RBFOX3: variants seen among roughly 807,000 people sequenced by gnomAD.
The protein encoded by RBFOX3 is RNA binding fox-1 homolog 3.
Under a neutral mutation model 48.7 loss-of-function variants are expected in RBFOX3, and 17 were observed. The ratio of observed to expected loss-of-function variants is 0.35; its 90% CI spans 0.24 to 0.52. The LOEUF (loss-of-function observed/expected upper bound fraction) is 0.52. RBFOX3 is among the 20% of genes least tolerant of loss of function. RBFOX3 has a pLI of 0.94. For synonymous variants in RBFOX3, 212 were observed against 209.5 expected, an observed-to-expected ratio of 1.01 and a Z score of -0.10; for missense variants, 382 against 497.5, an observed-to-expected ratio of 0.77 and a Z score of 2.21.
chr17:79,384,682 CA>C (rs989190332), intron 2 of RBFOX3, among the ~76,000 whole-genome samples: 1 of 152,220 alleles, frequency 6.6e-6, no homozygotes, highest in Non-Finnish European at 1.5e-5. Flanking sequence ...CACAGACGGC[CA>C]GGGGTGAGGC....
chr17:79,589,451 G>A (rs955090287), intron 1 of RBFOX3, among the ~76,000 whole-genome samples: 11 of 152,144 alleles, frequency 7.2e-5, no homozygotes, highest in Non-Finnish European at 1.3e-4. Context: ...CACCAGTCCT[G>A]TTGGATTAGG....
At position 79,167,311 on chromosome 17, in the gene RBFOX3, T is replaced by TG. The variant is rs66847264; in HGVS notation, c.-33-51564dup. On this transcript the variant is annotated intron_variant, in intron 4 of 14. Coordinates refer to ENST00000693108, the MANE Select transcript of RBFOX3 (RefSeq NM_001350451.2). ...TCTCCCCAGGGTCTCCATCAGGCTC[T>TG]GGGGGGCCCCTTCTTCCCCTCCCTC... 2.4e-5 allele frequency among the ~76,000 whole-genome samples: 3 copies of TG among 126,852 alleles called. No individual in the cohort carries two copies. The East Asian group carries it at 7.5e-4, about 32-fold the overall frequency. The allele number at this position is 126,852 out of a possible 152,430, so 83.2% of individuals were successfully genotyped here.
chr17:79,394,313 G>A lies in RBFOX3; in HGVS notation c.-174-86489C>T, dbSNP rs182238468. 3.3e-5 allele frequency among the ~76,000 whole-genome samples: 5 copies of A among 152,314 alleles called. No homozygotes were observed. The East Asian group carries it at 7.7e-4, about 23-fold the overall frequency. On this transcript the variant is annotated intron_variant, in intron 2 of 14. Transcript: ENST00000693108. ...GCTCACCCTGCACCCTGATCACTGA[G>A]ACACTCACTCCCCACAGTGCAGAGT...
intron 3 of RBFOX3, among the ~76,000 whole-genome samples, chr17:79,263,953 C>A (rs2066231778): frequency 6.6e-6 from 1 of 151,972 alleles, no homozygotes; most frequent in African/African-American, 2.4e-5. Context: ...AGGAGGGAGG[C>A]TTGAGACACA....
intron 2 of RBFOX3, among the ~76,000 whole-genome samples, chr17:79,439,155 C>T (rs930526275): frequency 6.6e-6 from 1 of 152,188 alleles, no homozygotes; most frequent in Admixed American, 6.5e-5. Context: ...GAGAGAGGCG[C>T]GCAGCAAGCT....
rs2057291102 is a variant in RBFOX3 at position 79,204,838 on chromosome 17, TA to T, written c.-34+30927del. ...CCATCAGAGGCAAGTTGGAATTAAA[TA>T]CCACCGTGGTCAGCCAGGCTTTGGA... is the stretch of plus-strand genomic sequence containing the variant. On this transcript the variant is annotated intron_variant, in intron 4 of 14. Transcript: ENST00000693108. The surrounding 1 kb of genome is among the most constrained non-coding windows in gnomAD (Gnocchi z 4.5). Among the ~76,000 whole-genome samples, 1 of 152,144 alleles carries T rather than the reference TA, an allele frequency of 6.6e-6. No homozygotes were observed. The highest frequency in any genetic ancestry group is 1.5e-5 in the Non-Finnish European group (1 of 68,022).
intron 3 of RBFOX3, among the ~76,000 whole-genome samples, chr17:79,241,824 G>A (rs902970211): frequency 1.8e-4 from 27 of 152,152 alleles, no homozygotes; most frequent in African/African-American, 5.3e-4. Context: ...AGGAGACAGC[G>A]TGAAAGCAGT....
In RBFOX3 at chr17:79,444,556, A is replaced by C. The variant is rs571374237; in HGVS notation, c.-175+37898T>G. On this transcript the variant is annotated intron_variant, in intron 2 of 14. Transcript: ENST00000693108. The stretch of plus-strand genomic sequence containing the variant: ...AGCCTCCCTCACCAAACCTCTCTCC[A>C]CCACTTCCTCTGGGCACCCAAGGCT... Among the ~76,000 whole-genome samples the C allele has an allele frequency of 9.2e-5, 14 of 151,726 alleles. No homozygotes were observed. The East Asian group carries it at 2.7e-3, about 30-fold the overall frequency.
At chr17:79,665,453 C>T in the RBFOX3 span, among the ~76,000 whole-genome samples, 1 of 152,130 alleles carries the variant, frequency 6.6e-6, no homozygotes, top group African/African-American at 2.4e-5. Context: ...TGGAAACCGA[C>T]GCCGGGGTCT....
chr17:79,303,547 G>A (rs946947815), intron 3 of RBFOX3, among the ~76,000 whole-genome samples: 1 of 152,072 alleles, frequency 6.6e-6, no homozygotes, highest in Non-Finnish European at 1.5e-5. Context: ...TTTCTCTTCT[G>A]AGGTTTGTCT....
intron 2 of RBFOX3, among the ~76,000 whole-genome samples, chr17:79,469,837 C>T (rs998035958): frequency 1.6e-4 from 24 of 152,272 alleles, no homozygotes; most frequent in East Asian, 7.7e-4. Context: ...TGGGGGAGCA[C>T]GTGCACGGAG....
intron 4 of RBFOX3, among the ~76,000 whole-genome samples, chr17:79,186,662 G>A (rs1345750639): frequency 7.3e-6 from 1 of 137,310 alleles, no homozygotes. Flanking sequence ...TCACTCCAGT[G>A]CTAATATTCA....
intron 4 of RBFOX3, among the ~76,000 whole-genome samples, chr17:79,215,615 C>T (rs887284075): frequency 1.3e-5 from 2 of 152,144 alleles, no homozygotes; most frequent in Admixed American, 6.5e-5. Flanking sequence ...CCCTGGTGTG[C>T]GGGGACTCAC....
At chr17:79,107,889 G>C (rs897713639) in intron 5 of RBFOX3, among the ~76,000 whole-genome samples, 1 of 152,228 alleles carries the variant, frequency 6.6e-6, no homozygotes, top group Non-Finnish European at 1.5e-5. Context: ...CAGGTGGTGG[G>C]TGCACGCTCC....
chr17:79,488,171 C>T (rs1290140224), intron 1 of RBFOX3, among the ~76,000 whole-genome samples: 6 of 152,172 alleles, frequency 3.9e-5, no homozygotes, highest in South Asian at 2.1e-4. Flanking sequence ...GATTTTTTTC[C>T]GCACATCTCC....
chr17:79,439,132 C>A (rs1317863090), intron 2 of RBFOX3, among the ~76,000 whole-genome samples: 1 of 152,220 alleles, frequency 6.6e-6, no homozygotes, highest in Non-Finnish European at 1.5e-5. Flanking sequence ...TGATAAATAG[C>A]AGGAATAAAA....
intron 2 of RBFOX3, among the ~76,000 whole-genome samples, chr17:79,456,526 C>T (rs2074524420): frequency 1.3e-5 from 2 of 152,318 alleles, no homozygotes; most frequent in Middle Eastern, 3.4e-3. Context: ...CCAGGCTTTG[C>T]GCTGGGTTCC....
intron 1 of RBFOX3, among the ~76,000 whole-genome samples, chr17:79,551,598 C>T (rs1249430943): frequency 6.6e-6 from 1 of 151,834 alleles, no homozygotes; most frequent in Non-Finnish European, 1.5e-5. Context: ...CCCTCATGAA[C>T]GTCTTGGTGC....
At chr17:79,104,207 TCCTGAGACGCTCATG>T in intron 6 of RBFOX3, 81 bp from the exon 7 acceptor site, 1 of 1,213,466 alleles carries the variant, frequency 8.2e-7, no homozygotes, top group Non-Finnish European at 1.2e-6. Context: ...CCCGCTCCAC[TCCTGAGACGCTCATG>T]CCTGTGCTCT....
Sources: allele counts gnomAD v4.1 joint callset (sites outside exome capture counted in the v4.1 genomes callset), GRCh38; gene constraint gnomAD v4.1.1; non-coding constraint Gnocchi (gnomAD v3.1); transcripts MANE v1.5; gene names NCBI Gene and HGNC (gene_info 2026-07-23, HGNC 2026-07-21).